The following PIAS1 variants were observed in gnomAD, a reference collection of about 807,000 sequenced individuals.
PIAS1 encodes the protein protein inhibitor of activated STAT 1.
Under a neutral mutation model 71.3 loss-of-function variants are expected in PIAS1, and 6 were observed. The observed-to-expected ratio is 0.08, with a 90% CI of 0.05 to 0.17. The LOEUF (loss-of-function observed/expected upper bound fraction) is 0.17, where lower values mean the gene tolerates loss of function less well. PIAS1 is among the 10% of genes least tolerant of loss of function. The pLI is 1.00. For synonymous variants in PIAS1, 303 were observed against 292.9 expected (o/e 1.03, Z -0.35); for missense variants, 555 against 793.6 (o/e 0.70, Z 3.61).
chr15:68,182,781 C>T (rs1048403637), intron 12 of PIAS1, among the ~76,000 whole-genome samples: 7 of 152,132 alleles, frequency 4.6e-5, no homozygotes, highest in Admixed American at 1.3e-4. Flanking sequence ...ATGTATGAAA[C>T]GCACTGTCAC....
chr15:68,057,345 G>A (rs1027073370), intron 1 of PIAS1: 2 of 294,418 alleles, frequency 6.8e-6, no homozygotes, highest in African/African-American at 2.3e-5. Flanking sequence ...AAGCAGGAGG[G>A]TGTGATGGCC....
At chr15:68,056,795 C>T (rs969933865) in intron 1 of PIAS1, among the ~76,000 whole-genome samples, 1 of 151,980 alleles carries the variant, frequency 6.6e-6, no homozygotes, top group African/African-American at 2.4e-5. Context: ...ATATAATTTT[C>T]TGTGCAGTAA....
intron 2 of PIAS1, among the ~76,000 whole-genome samples, chr15:68,138,244 T>C (rs920483146): frequency 6.6e-6 from 1 of 152,132 alleles, no homozygotes; most frequent in Admixed American, 6.5e-5. Context: ...TATGTTTTGT[T>C]TGCTCTGGGA....
At chr15:68,072,399 C>CAAATAAAAAA (rs2092107403) in intron 1 of PIAS1, among the ~76,000 whole-genome samples, 1 of 25,014 alleles carries the variant, frequency 4.0e-5, no homozygotes, top group African/African-American at 1.3e-4. Flanking sequence ...GACTCCATCT[C>CAAATAAAAAA]AAAAAAAAAA....
At chr15:68,104,549 G>A (rs1165677138) in intron 2 of PIAS1, among the ~76,000 whole-genome samples, 7 of 152,124 alleles carry the variant, frequency 4.6e-5, no homozygotes, top group African/African-American at 1.2e-4. Context: ...ACCACAGAGA[G>A]ACAAATATTT....
chr15:68,067,613 A>G (rs1383643460), intron 1 of PIAS1, among the ~76,000 whole-genome samples: 3 of 152,122 alleles, frequency 2.0e-5, no homozygotes, highest in Non-Finnish European at 2.9e-5. Context: ...TTAATATATA[A>G]TAATGATTCT....
At chr15:68,060,105 A>G (rs2140952515) in intron 1 of PIAS1, among the ~76,000 whole-genome samples, 1 of 152,342 alleles carries the variant, frequency 6.6e-6, no homozygotes, top group East Asian at 1.9e-4. Flanking sequence ...ATAAAGTATG[A>G]AATCGATTAT....
At position 68,188,775 on chromosome 15, in the gene PIAS1, T is replaced by C. The variant is rs1474425417; in HGVS notation, c.*940T>C. ...AACCAAGTCTGTGAATACCTGCTTT[T>C]TTTGGCCACAGAGTAACAAGTTTTC... On this transcript the variant is annotated 3_prime_UTR_variant, in exon 14 of 14. Transcript: ENST00000249636. 1 of 152,206 alleles carries C rather than the reference T, an allele frequency of 6.6e-6. No homozygotes were observed. The highest frequency in any genetic ancestry group is 1.5e-5 in the Non-Finnish European group (1 of 68,030). The allele number at this position is 152,206 out of a possible 1,614,324, so 9.4% of individuals were successfully genotyped here. A position where few individuals can be genotyped will look rare whatever the true frequency, so the allele number is the denominator to read the frequency against.
intron 1 of PIAS1, among the ~76,000 whole-genome samples, chr15:68,056,264 C>T (rs1187917011): frequency 6.6e-6 from 1 of 152,216 alleles, no homozygotes; most frequent in Non-Finnish European, 1.5e-5. Context: ...TATATTGTCA[C>T]TCTTGATGCT....
At chr15:68,164,914 C>CA in intron 8 of PIAS1, 110 bp downstream of exon 8, 1 of 619,852 alleles carries the variant, frequency 1.6e-6, no homozygotes, top group Non-Finnish European at 2.9e-6. Context: ...ATATGTCCAC[C>CA]ATTGTTACAG....
At chr15:68,063,214 T>C (rs1027674146) in intron 1 of PIAS1, among the ~76,000 whole-genome samples, 9 of 152,232 alleles carry the variant, frequency 5.9e-5, no homozygotes, top group Non-Finnish European at 1.2e-4. Context: ...TTTGGGTTTC[T>C]GAATGTGAGC....
At position 68,109,489 on chromosome 15, in the gene PIAS1, A is replaced by C. The variant is rs115248185; in HGVS notation, c.469+22739A>C. Among the ~76,000 whole-genome samples the C allele has an allele frequency of 3.7e-3, 567 of 152,284 alleles. 1 individual carries two copies. Among genetic ancestry groups the C allele is most frequent in the African/African-American group, 0.012 (505 of 41,552 alleles). ...GTACTCAGTAAATATTAGTTGAGTAAATATTTGTAGAACAGATTCATTTCA... is the reference window on the plus strand; with the variant it reads ...GTACTCAGTAAATATTAGTTGAGTACATATTTGTAGAACAGATTCATTTCA... On this transcript the variant is annotated intron_variant, in intron 2 of 13. Coordinates refer to ENST00000249636, the MANE Select transcript of PIAS1 (RefSeq NM_016166.3).
chr15:68,163,636 T>C (rs1220970285), intron 7 of PIAS1, among the ~76,000 whole-genome samples: 1 of 152,198 alleles, frequency 6.6e-6, no homozygotes, highest in Non-Finnish European at 1.5e-5. Context: ...CTGTGTTTAA[T>C]AAAGGTAGGA....
intron 12 of PIAS1, among the ~76,000 whole-genome samples, chr15:68,182,872 G>C (rs2093064096): frequency 6.6e-6 from 1 of 152,212 alleles, no homozygotes. Flanking sequence ...TAGATGCCCA[G>C]AGTATCTGTG....
At chr15:68,155,905 G>A (rs866036539) in intron 7 of PIAS1, among the ~76,000 whole-genome samples, 1 of 152,246 alleles carries the variant, frequency 6.6e-6, no homozygotes, top group South Asian at 2.1e-4. Context: ...CTCTGCCAAT[G>A]CATGAAAATT....
At chr15:68,180,094 CTTTG>C (rs967007903) in intron 11 of PIAS1, among the ~76,000 whole-genome samples, 4 of 151,710 alleles carry the variant, frequency 2.6e-5, no homozygotes, top group African/African-American at 9.7e-5. Context: ...TCAAAATTAG[CTTTG>C]TTTTTGTTTT....
chr15:68,106,116 C>G (rs1326735574), intron 2 of PIAS1, among the ~76,000 whole-genome samples: 1 of 152,016 alleles, frequency 6.6e-6, no homozygotes, highest in Non-Finnish European at 1.5e-5. Flanking sequence ...GTGATACTTC[C>G]TCTTCCAGTT....
chr15:68,067,969 T>G (rs1245757152), intron 1 of PIAS1, among the ~76,000 whole-genome samples: 1 of 152,256 alleles, frequency 6.6e-6, no homozygotes, highest in Non-Finnish European at 1.5e-5. Context: ...TTAAAACCAT[T>G]GCATCTAATA....
In PIAS1 at chr15:68,188,558, A is replaced by G. The variant is rs1194495456; in HGVS notation, c.*723A>G. ...GAAGGTCTTGAACTCACGTGTGAGC[A>G]TCTTTATCAACTATCCCAATTGCAT... On this transcript the variant is annotated 3_prime_UTR_variant, in exon 14 of 14. Coordinates refer to ENST00000249636, the MANE Select transcript of PIAS1 (RefSeq NM_016166.3). The G allele has an allele frequency of 1.3e-5, 2 of 152,214 alleles. No individual in the cohort carries two copies. The highest frequency in any genetic ancestry group is 3.8e-4 in the East Asian group (2 of 5,204). 9.4% of individuals were successfully genotyped at this position (152,214 alleles called of 1,614,324 possible). A position where few individuals can be genotyped will look rare whatever the true frequency, so the allele number is the denominator to read the frequency against.
Sources: gnomAD v4.1 joint callset for allele counts (sites outside exome capture counted in the v4.1 genomes callset) on GRCh38, gnomAD v4.1.1 for gene constraint, MANE v1.5 for transcripts, NCBI Gene and HGNC (gene_info 2026-07-23, HGNC 2026-07-21) for gene names.